The following PLCB1 variants were observed in gnomAD, a reference collection of about 807,000 sequenced individuals.
PLCB1 encodes the protein phospholipase C beta 1.
In PLCB1, 46 loss-of-function variants were observed where a neutral mutation model predicts 161.8. That is an observed-to-expected ratio of 0.28 (90% CI 0.22 to 0.36). The LOEUF (loss-of-function observed/expected upper bound fraction) is 0.36, where lower values mean the gene tolerates loss of function less well. Among genes scored for constraint, PLCB1 ranks in the 10% least tolerant of loss-of-function variants. The pLI is 1.00. For missense variants in PLCB1, 1,016 were observed against 1,472.5 expected (o/e 0.69, Z 5.07); for synonymous variants, 517 against 503.7 (o/e 1.03, Z -0.35).
chr20:8,296,898 A>T (rs1983655313), intron 2 of PLCB1, among the ~76,000 whole-genome samples: 1 of 152,194 alleles, frequency 6.6e-6, no homozygotes, highest in Non-Finnish European at 1.5e-5. Context: ...AACCATTTAT[A>T]TGGAAGATGA....
intron 12 of PLCB1, among the ~76,000 whole-genome samples, chr20:8,710,819 A>T (rs1978968579): frequency 6.6e-6 from 1 of 152,102 alleles, no homozygotes; most frequent in African/African-American, 2.4e-5. Context: ...AGAAGTTTCT[A>T]TTTAAATTAG....
chr20:8,578,555 G>C (rs536090164), intron 3 of PLCB1, among the ~76,000 whole-genome samples: 1 of 152,178 alleles, frequency 6.6e-6, no homozygotes, highest in South Asian at 2.1e-4. Flanking sequence ...AAGATGAAAA[G>C]CTCTGTGCAA....
intron 31 of PLCB1, among the ~76,000 whole-genome samples, chr20:8,822,034 C>CTTTTTTTTTTTTTTT (rs1166587981): frequency 6.8e-6 from 1 of 148,042 alleles, no homozygotes; most frequent in African/African-American, 2.5e-5. Flanking sequence ...ATCTTTTTTC[C>CTTTTTTTTTTTTTTT]TTTTTTTTTT....
intron 3 of PLCB1, among the ~76,000 whole-genome samples, chr20:8,389,542 T>A (rs1252254808): frequency 6.6e-6 from 1 of 152,224 alleles, no homozygotes; most frequent in Non-Finnish European, 1.5e-5. Flanking sequence ...CAGAAGATTG[T>A]GACTCATTTT....
At chr20:8,562,753 T>TG (rs1240314984) in intron 3 of PLCB1, among the ~76,000 whole-genome samples, 1 of 152,046 alleles carries the variant, frequency 6.6e-6, no homozygotes, top group Admixed American at 6.6e-5. Context: ...TGACTTCATG[T>TG]GGGGGTCATC....
chr20:8,650,672 G>T (rs1989292835), intron 7 of PLCB1, among the ~76,000 whole-genome samples: 1 of 152,104 alleles, frequency 6.6e-6, no homozygotes, highest in South Asian at 2.1e-4. Context: ...CCCTGGATCA[G>T]TGTGAAGCCG....
At chr20:8,285,822 A>G (rs6133569) in intron 2 of PLCB1, among the ~76,000 whole-genome samples, 4,591 of 152,282 alleles carry the variant, frequency 0.03, 177 homozygotes, top group African/African-American at 0.093. Flanking sequence ...TCATGTAATC[A>G]TGCTGTGTTT....
intron 31 of PLCB1, among the ~76,000 whole-genome samples, chr20:8,827,625 G>C (rs1157710932): frequency 1.3e-5 from 2 of 152,184 alleles, no homozygotes; most frequent in Non-Finnish European, 2.9e-5. Flanking sequence ...AGTGGCTGTG[G>C]TATTGGACAG....
intron 9 of PLCB1, among the ~76,000 whole-genome samples, chr20:8,661,468 G>A (rs1433255604): frequency 6.6e-6 from 1 of 151,998 alleles, no homozygotes; most frequent in Non-Finnish European, 1.5e-5. Flanking sequence ...GTCACCCCAG[G>A]GGACTCCAGC....
At chr20:8,137,355 C>T (rs1271227531) in intron 1 of PLCB1, among the ~76,000 whole-genome samples, 1 of 152,182 alleles carries the variant, frequency 6.6e-6, no homozygotes, top group Non-Finnish European at 1.5e-5. Context: ...TTATGGGAAA[C>T]AGGGAGGAAA....
chr20:8,482,092 A>ATTTTTTTTTTTTT lies in PLCB1; in HGVS notation c.246+110660_246+110672dup, dbSNP rs199634903. On this transcript the variant is annotated intron_variant, in intron 3 of 31. Coordinates refer to ENST00000338037, the MANE Select transcript of PLCB1 (RefSeq NM_015192.4). Reference sequence around the variant, plus strand: ...TTCAATTTATTTTGTGCTTGAAGGAATTTTTTTTTTTTTTTTTTTTTTTTT... The same window carrying ATTTTTTTTTTTTT: ...TTCAATTTATTTTGTGCTTGAAGGAATTTTTTTTTTTTTTTTTTTTTTTTTTTTTTTTTTTTTT... Among the ~76,000 whole-genome samples the ATTTTTTTTTTTTT allele has an allele frequency of 2.6e-4, 27 of 104,872 alleles. 4 individuals are homozygous for ATTTTTTTTTTTTT. The highest frequency in any genetic ancestry group is 6.3e-4 in the African/African-American group (15 of 23,642). 68.8% of individuals were successfully genotyped at this position (104,872 alleles called of 152,430 possible).
chr20:8,781,649 A>C (rs147956770), intron 27 of PLCB1, among the ~76,000 whole-genome samples: 1 of 152,208 alleles, frequency 6.6e-6, no homozygotes, highest in Admixed American at 6.5e-5. Context: ...GACATAGCCA[A>C]GACTGGGCAA....
chr20:8,197,425 T>C (rs2052037052), intron 2 of PLCB1, among the ~76,000 whole-genome samples: 1 of 152,208 alleles, frequency 6.6e-6, no homozygotes, highest in Non-Finnish European at 1.5e-5. Flanking sequence ...ATGATGAGCA[T>C]TTTTTCATGT....
chr20:8,207,451 G>A (rs991950892), intron 2 of PLCB1, among the ~76,000 whole-genome samples: 2 of 152,178 alleles, frequency 1.3e-5, no homozygotes, highest in Non-Finnish European at 2.9e-5. Context: ...CTAATGTCCA[G>A]TACAGTGCTG....
At chr20:8,645,480 AT>A (rs1177443869) in intron 4 of PLCB1, among the ~76,000 whole-genome samples, 3 of 152,094 alleles carry the variant, frequency 2.0e-5, no homozygotes, top group Non-Finnish European at 2.9e-5. Flanking sequence ...GAACTTCTAT[AT>A]TTTTTTGTAG....
intron 3 of PLCB1, among the ~76,000 whole-genome samples, chr20:8,547,913 CT>C (rs1178573558): frequency 6.6e-6 from 1 of 152,170 alleles, no homozygotes; most frequent in Non-Finnish European, 1.5e-5. Flanking sequence ...CTCCTCTTCT[CT>C]GGGAGGAAGA....
At chr20:8,691,179 C>T (rs1467973998) in intron 10 of PLCB1, among the ~76,000 whole-genome samples, 2 of 152,122 alleles carry the variant, frequency 1.3e-5, no homozygotes, top group African/African-American at 4.8e-5. Context: ...TCCTGTTTCT[C>T]AGAAGCCTTT....
intron 2 of PLCB1, among the ~76,000 whole-genome samples, chr20:8,185,489 G>A (rs2051893233): frequency 6.6e-6 from 1 of 151,986 alleles, no homozygotes; most frequent in African/African-American, 2.4e-5. Flanking sequence ...AGATTTCTAA[G>A]GTATGTTGAT....
At chr20:8,877,936 C>A (rs557332602) in intron 31 of PLCB1, among the ~76,000 whole-genome samples, 4 of 152,228 alleles carry the variant, frequency 2.6e-5, no homozygotes, top group African/African-American at 9.6e-5. Flanking sequence ...AACTTAGCCA[C>A]AACTGGGTCA....
Sources: gnomAD v4.1 joint callset for allele counts (sites outside exome capture counted in the v4.1 genomes callset) on GRCh38, gnomAD v4.1.1 for gene constraint, MANE v1.5 for transcripts, NCBI Gene and HGNC (gene_info 2026-07-23, HGNC 2026-07-21) for gene names.